Variants in SH3GL2 observed in about 807,000 individuals in gnomAD.
The protein encoded by SH3GL2 is endophilin-A1.
SH3GL2 carries 24 observed loss-of-function variants against 46.0 expected under a neutral mutation model. The ratio of observed to expected loss-of-function variants is 0.52; its 90% CI spans 0.38 to 0.73. The LOEUF is 0.73. Among genes scored for constraint, SH3GL2 ranks in the 30% least tolerant of loss-of-function variants. SH3GL2 has a pLI of 0.00. For missense variants in SH3GL2, 413 were observed against 424.2 expected (o/e 0.97, Z 0.23); for synonymous variants, 196 against 147.1 (o/e 1.33, Z -2.40).
chr9:17,621,675 C>G (rs1421986915), intron 1 of SH3GL2, among the ~76,000 whole-genome samples: 1 of 152,176 alleles, frequency 6.6e-6, no homozygotes, highest in Non-Finnish European at 1.5e-5. Context: ...TGGCTCATGG[C>G]TGTGAGGGCA....
intron 1 of SH3GL2, among the ~76,000 whole-genome samples, chr9:17,700,148 A>C (rs1235832585): frequency 6.6e-6 from 1 of 152,138 alleles, no homozygotes; most frequent in African/African-American, 2.4e-5. Context: ...TTCCTCTGGT[A>C]TTCAGGATCC....
At chr9:17,632,444 T>C (rs1263512185) in intron 1 of SH3GL2, among the ~76,000 whole-genome samples, 2 of 152,216 alleles carry the variant, frequency 1.3e-5, no homozygotes, top group Non-Finnish European at 2.9e-5. Flanking sequence ...TCCCATATAC[T>C]ATACAAATGT....
intron 1 of SH3GL2, among the ~76,000 whole-genome samples, chr9:17,702,019 C>T (rs1821352881): frequency 6.6e-6 from 1 of 151,528 alleles, no homozygotes; most frequent in African/African-American, 2.4e-5. Context: ...GAAAACTAGC[C>T]CTAATATATA....
chr9:17,703,888 G>A (rs1821399345), intron 1 of SH3GL2, among the ~76,000 whole-genome samples: 1 of 152,038 alleles, frequency 6.6e-6, no homozygotes, highest in South Asian at 2.1e-4. Flanking sequence ...ACTGGAAGAA[G>A]ACAAGGATGC....
At chr9:17,774,415 T>C (rs984285191) in intron 3 of SH3GL2, among the ~76,000 whole-genome samples, 2 of 152,116 alleles carry the variant, frequency 1.3e-5, no homozygotes, top group African/African-American at 4.8e-5. Flanking sequence ...ATGATGTTCA[T>C]TGTGAGGTTT....
chr9:17,752,862 C>T (rs1379580251), intron 2 of SH3GL2, among the ~76,000 whole-genome samples: 1 of 152,128 alleles, frequency 6.6e-6, no homozygotes, highest in Non-Finnish European at 1.5e-5. Flanking sequence ...CCTCCTCCCA[C>T]CCTCCACCCT....
chr9:17,708,702 A>G (rs984630388), intron 1 of SH3GL2, among the ~76,000 whole-genome samples: 2 of 151,934 alleles, frequency 1.3e-5, no homozygotes, highest in Non-Finnish European at 2.9e-5. Context: ...CAGGTTTGTT[A>G]TGTGAAAGCA....
chr9:17,622,976 G>GTTTCCTTCCC (rs1397252845), intron 1 of SH3GL2, among the ~76,000 whole-genome samples: 1 of 78,712 alleles, frequency 1.3e-5, no homozygotes, highest in Non-Finnish European at 2.9e-5. Context: ...TTTTCCTTTC[G>GTTTCCTTCCC]TTTCCTTTCG....
chr9:17,708,794 C>A (rs1392083706), intron 1 of SH3GL2, among the ~76,000 whole-genome samples: 1 of 151,888 alleles, frequency 6.6e-6, no homozygotes, highest in African/African-American at 2.4e-5. Flanking sequence ...CTATGCAAAT[C>A]CAACCTGATT....
At chr9:17,723,382 T>G (rs1821943667) in intron 1 of SH3GL2, among the ~76,000 whole-genome samples, 2 of 152,178 alleles carry the variant, frequency 1.3e-5, no homozygotes, top group Admixed American at 1.3e-4. Context: ...ATCATGTACA[T>G]GGTACATGTT....
intron 1 of SH3GL2, among the ~76,000 whole-genome samples, chr9:17,656,796 G>C (rs923283121): frequency 4.9e-5 from 6 of 122,798 alleles, no homozygotes; most frequent in African/African-American, 1.7e-4. Flanking sequence ...AACAAAAAAG[G>C]CTTTTCTATG....
chr9:17,651,708 C>G (rs1021068056), intron 1 of SH3GL2, among the ~76,000 whole-genome samples: 1 of 152,066 alleles, frequency 6.6e-6, no homozygotes, highest in Non-Finnish European at 1.5e-5. Flanking sequence ...CTAAAGAATT[C>G]TAGGATGACA....
intron 1 of SH3GL2, among the ~76,000 whole-genome samples, chr9:17,725,565 A>G (rs1461739348): frequency 1.3e-5 from 2 of 152,026 alleles, no homozygotes; most frequent in African/African-American, 4.8e-5. Flanking sequence ...AGGGCATGCC[A>G]TTTCTCCTGC....
intron 4 of SH3GL2, 63 bp from the exon 5 acceptor site, chr9:17,787,317 C>T: frequency 7.3e-7 from 1 of 1,378,542 alleles, no homozygotes. Context: ...TGTGAAGGGC[C>T]CTGTTATTGC....
intron 1 of SH3GL2, among the ~76,000 whole-genome samples, chr9:17,715,225 T>A (rs776925604): frequency 6.6e-6 from 1 of 151,194 alleles, no homozygotes. Flanking sequence ...GTTCTCACTT[T>A]GTTGCTCAGG....
chr9:17,704,932 A>G (rs1821431770), intron 1 of SH3GL2, among the ~76,000 whole-genome samples: 1 of 151,980 alleles, frequency 6.6e-6, no homozygotes, highest in African/African-American at 2.4e-5. Flanking sequence ...AAAATTGACA[A>G]AATAGAGATC....
chr9:17,729,346 G>A lies in SH3GL2; in HGVS notation c.46-17720G>A, dbSNP rs1453346372. On this transcript the variant is annotated intron_variant, in intron 1 of 8. Transcript: ENST00000380607. ...TCTTGTAAATTTGTTTAAGTTCCTT[G>A]TAGATTCTGGATATTAGCCCTTTGT... Among the ~76,000 whole-genome samples, 6 of 152,094 alleles carry A rather than the reference G, an allele frequency of 3.9e-5. No homozygotes were observed. The East Asian group carries it at 1.2e-3, about 29-fold the overall frequency.
intron 1 of SH3GL2, among the ~76,000 whole-genome samples, chr9:17,604,094 G>C (rs1480864096): frequency 1.3e-5 from 2 of 152,244 alleles, no homozygotes; most frequent in Non-Finnish European, 2.9e-5. Context: ...TGGTGGGAAG[G>C]GTCCTTAGAC....
intron 1 of SH3GL2, among the ~76,000 whole-genome samples, chr9:17,649,590 A>C (rs547056742): frequency 1.3e-5 from 2 of 152,252 alleles, no homozygotes; most frequent in East Asian, 3.8e-4. Flanking sequence ...TTAAATGGAA[A>C]AAATAGTTTA....
Sources: allele counts gnomAD v4.1 joint callset (sites outside exome capture counted in the v4.1 genomes callset), GRCh38; gene constraint gnomAD v4.1.1; transcripts MANE v1.5; gene names NCBI Gene and HGNC (gene_info 2026-07-23, HGNC 2026-07-21).